FAM217A: variants seen among roughly 807,000 people sequenced by gnomAD.
FAM217A encodes the protein protein FAM217A.
A neutral mutation model predicts 18.5 loss-of-function variants in FAM217A; 13 were observed. The ratio of observed to expected loss-of-function variants is 0.70; its 90% confidence interval spans 0.46 to 1.12. The LOEUF (loss-of-function observed/expected upper bound fraction) is 1.12, where lower values mean the gene tolerates loss of function less well. FAM217A is among the 50% of genes most tolerant of loss of function. The pLI, the probability that FAM217A is intolerant of heterozygous loss-of-function variation, is 0.00. For missense variants in FAM217A, 560 were observed against 575.4 expected (o/e 0.97, Z 0.27); for synonymous variants, 161 against 202.8 (o/e 0.79, Z 1.75).
exon 2 of FAM217A, chr6:4,084,660 C>T (rs1226643314): frequency 1.4e-6 from 1 of 703,002 alleles, no homozygotes; most frequent in Non-Finnish European, 2.6e-6. Context: ...GAACAGAACA[C>T]TTTCTTTAGA....
rs1769208813 is a variant in FAM217A at position 4,069,003 on chromosome 6, A to G, written c.1220T>C (p.Ile407Thr). The G allele has an allele frequency of 1.2e-6, 2 of 1,613,942 alleles. No homozygotes were observed. Among genetic ancestry groups the G allele is most frequent in the East Asian group, 2.2e-5 (1 of 44,876 alleles). Residue 407 changes from isoleucine (I) to threonine (T), a missense_variant, in exon 7 of 7, where the codon ATT (isoleucine) becomes ACT (threonine). By Grantham distance (89) the Ile-to-Thr change is moderately conservative. Transcript: ENST00000274673. ...TGAGAGTTCTTGGCATGGACTTAAA[A>G]TAGAACTTTTGGGATTCTTATCATA... Reference protein sequence around the residue: ...ETYDKNPKSSILSPCQELSFK... With the variant: ...ETYDKNPKSSTLSPCQELSFK...
At chr6:4,081,221 A>G (rs1770273432), upstream of FAM217A, among the ~76,000 whole-genome samples, 2 of 152,232 alleles carry the variant, frequency 1.3e-5, no homozygotes, top group African/African-American at 2.4e-5. Flanking sequence ...AACATTTTAT[A>G]TGGATTAACC....
At chr6:4,078,394 C>T (rs1770005293) in intron 1 of FAM217A, among the ~76,000 whole-genome samples, 3 of 152,146 alleles carry the variant, frequency 2.0e-5, no homozygotes, top group Admixed American at 6.5e-5. Context: ...GGTCTATCTG[C>T]TAATCGTTTA....
chr6:4,068,638 T>A lies in FAM217A; in HGVS notation c.*58A>T. On this transcript the variant is annotated 3_prime_UTR_variant, in exon 7 of 7. Coordinates refer to ENST00000274673, the MANE Select transcript of FAM217A (RefSeq NM_173563.3). ...CTGTGTCTTGGAATAATTAACCATATCTTAGTTGGGCTTCTTAGAGTAGAT... is the reference window on the plus strand; with the variant it reads ...CTGTGTCTTGGAATAATTAACCATAACTTAGTTGGGCTTCTTAGAGTAGAT... The A allele has an allele frequency of 6.6e-7, 1 of 1,509,484 alleles. No homozygotes were observed. Among genetic ancestry groups the A allele is most frequent in the South Asian group, 1.4e-5 (1 of 73,626 alleles). The allele number at this position is 1,509,484 out of a possible 1,614,324, so 93.5% of individuals were successfully genotyped here. A position where few individuals can be genotyped will look rare whatever the true frequency, so the allele number is the denominator to read the frequency against.
intron 1 of FAM217A, among the ~76,000 whole-genome samples, chr6:4,078,212 C>A (rs987267303): frequency 1.3e-5 from 2 of 151,946 alleles, no homozygotes; most frequent in Admixed American, 6.6e-5. Context: ...CACCACTACG[C>A]CCAGCTAATT....
chr6:4,069,921 C>T lies in FAM217A; in HGVS notation c.303-1G>A, dbSNP rs757710205. On this transcript the variant is annotated splice_acceptor_variant, in intron 6 of 6. Coordinates refer to ENST00000274673, the MANE Select transcript of FAM217A (RefSeq NM_173563.3). LOFTEE classifies it high-confidence loss of function. ...TTCCACTGAAGATTTTTTGAATTCCCTTTAAAAAATAATTTAATTAATGAA... is the reference window on the plus strand; with the variant it reads ...TTCCACTGAAGATTTTTTGAATTCCTTTTAAAAAATAATTTAATTAATGAA... 6.5e-7 allele frequency: 1 copy of T among 1,542,042 alleles called. No individual in the cohort carries two copies. Among genetic ancestry groups the T allele is most frequent in the South Asian group, 1.2e-5 (1 of 82,624 alleles).
upstream of FAM217A, among the ~76,000 whole-genome samples, chr6:4,080,712 A>C (rs2113889534): frequency 6.6e-6 from 1 of 152,282 alleles, no homozygotes; most frequent in Middle Eastern, 3.4e-3. Flanking sequence ...AGCGCCCACT[A>C]CATGTCAAGC....
chr6:4,072,755 T>G (rs1178317924), intron 6 of FAM217A, among the ~76,000 whole-genome samples: 1 of 71,170 alleles, frequency 1.4e-5, no homozygotes, highest in African/African-American at 4.5e-5. Context: ...AGAGCAAAAC[T>G]CCGTCTCAAA....
chr6:4,079,643 C>T, upstream of FAM217A: 1 of 1,266,562 alleles, frequency 7.9e-7, no homozygotes, highest in South Asian at 1.2e-5. Context: ...ACCCTCCATT[C>T]CCACCGCCTG....
At chr6:4,084,664 C>T in exon 2 of FAM217A, 1 of 703,004 alleles carries the variant, frequency 1.4e-6, no homozygotes. Flanking sequence ...AGAACACTTT[C>T]TTTAGAATGC....
At chr6:4,085,509 A>G (rs1212748863) in intron 1 of FAM217A, among the ~76,000 whole-genome samples, 1 of 152,164 alleles carries the variant, frequency 6.6e-6, no homozygotes, top group Non-Finnish European at 1.5e-5. Context: ...ATAAAGAATT[A>G]CATTTTAGTA....
At chr6:4,070,708 G>A (rs911742369) in intron 6 of FAM217A, among the ~76,000 whole-genome samples, 8 of 152,128 alleles carry the variant, frequency 5.3e-5, no homozygotes, top group African/African-American at 1.9e-4. Context: ...GAAAAGTTTT[G>A]AAAAATACTT....
intron 4 of FAM217A, among the ~76,000 whole-genome samples, chr6:4,073,727 T>C (rs1310067321): frequency 1.3e-5 from 2 of 152,212 alleles, no homozygotes; most frequent in African/African-American, 4.8e-5. Context: ...AAGACTTGAA[T>C]ATCATTAAGA....
chr6:4,070,031 A>G (rs1225972118), intron 6 of FAM217A, 111 bp from the exon 7 acceptor site: 2 of 776,652 alleles, frequency 2.6e-6, no homozygotes, highest in Admixed American at 6.7e-5. Context: ...TTAGTTCCCA[A>G]TGGCATATGT....
At chr6:4,072,592 G>A (rs1265883611) in intron 6 of FAM217A, among the ~76,000 whole-genome samples, 1 of 151,892 alleles carries the variant, frequency 6.6e-6, no homozygotes, top group African/African-American at 2.4e-5. Flanking sequence ...GAGAAACCCC[G>A]TCTCTACTAA....
Position 4,077,447 on chromosome 6 carries a change from T to C in FAM217A, c.-33A>G, listed in dbSNP as rs947249591. On this transcript the variant is annotated splice_region_variant and 5_prime_UTR_variant, in exon 2 of 7. Coordinates refer to ENST00000274673, the MANE Select transcript of FAM217A (RefSeq NM_173563.3). Reference sequence around the variant, plus strand: ...TAGCTGTTGCTCTGTTTCCTTAAAATCCTACACAGATTGCGGGATAGGCAC... The same window carrying C: ...TAGCTGTTGCTCTGTTTCCTTAAAACCCTACACAGATTGCGGGATAGGCAC... 3 of 1,612,052 alleles carry C rather than the reference T, an allele frequency of 1.9e-6. No homozygotes were observed. The highest frequency in any genetic ancestry group is 3.3e-4 in the Middle Eastern group (2 of 6,062).
Position 4,069,156 on chromosome 6 carries a change from T to C in FAM217A, c.1067A>G (p.Asn356Ser). 6.2e-7 allele frequency: 1 copy of C among 1,613,914 alleles called. No homozygotes were observed. Residue 356 changes from asparagine (N) to serine (S), a missense_variant, in exon 7 of 7, where the codon AAC (asparagine) becomes AGC (serine). Coordinates refer to ENST00000274673, the MANE Select transcript of FAM217A (RefSeq NM_173563.3). ...TTGTTCAAGCTTACAAGAACCAGAGTTGTTTTTACTTTTTTCTTGACTTTT... is the reference window on the plus strand; with the variant it reads ...TTGTTCAAGCTTACAAGAACCAGAGCTGTTTTTACTTTTTTCTTGACTTTT... The part of the protein sequence containing the change: ...VDKSQEKSKN[N>S]SGSCKLEQNA...
upstream of FAM217A, chr6:4,079,746 T>C: frequency 1.1e-6 from 1 of 925,580 alleles, no homozygotes; most frequent in South Asian, 1.6e-5. Context: ...ATATCTATGC[T>C]TGTACAATAT....
rs1335219459 is a variant in FAM217A, at chr6:4,068,954, T to A, written c.1269A>T (p.Thr423=). ...AGACCATTTTAACCATTGATTGATT[T>A]GTATGGCCAATAGTAGGTTTGAATG... is the stretch of plus-strand genomic sequence containing the variant. ...ELSFKPTIGH[T]NQSMVKMVST... Residue 423 remains threonine, a synonymous_variant, in exon 7 of 7, where the codon ACA becomes ACT. Transcript: ENST00000274673. 2 of 1,614,202 alleles carry A rather than the reference T, an allele frequency of 1.2e-6. No individual in the cohort carries two copies. The highest frequency in any genetic ancestry group is 3.3e-5 in the Admixed American group (2 of 60,026).
Sources: allele counts gnomAD v4.1 joint callset (sites outside exome capture counted in the v4.1 genomes callset), GRCh38; gene constraint gnomAD v4.1.1; transcripts MANE v1.5; gene names NCBI Gene and HGNC (gene_info 2026-07-23, HGNC 2026-07-21).